Variants in ACOT1 observed in about 807,000 individuals in gnomAD.
ACOT1 encodes the protein acyl-CoA thioesterase 1.
In ACOT1, 8 loss-of-function variants were observed where a neutral mutation model predicts 15.7. The ratio of observed to expected loss-of-function variants is 0.51; its 90% CI spans 0.30 to 0.92. The LOEUF (loss-of-function observed/expected upper bound fraction) is 0.92, where lower values mean the gene tolerates loss of function less well. Among genes scored for constraint, ACOT1 ranks in the 40% least tolerant of loss-of-function variants. The pLI, the probability that ACOT1 is intolerant of heterozygous loss-of-function variation, is 0.06. For synonymous variants in ACOT1, 67 were observed against 241.2 expected (o/e 0.28, Z 6.69); for missense variants, 151 against 539.4 (o/e 0.28, Z 7.13).
At chr14:73,497,043 G>A in the ACOT1 span, among the ~76,000 whole-genome samples, 2 of 152,148 alleles carry the variant, frequency 1.3e-5, no homozygotes, top group Non-Finnish European at 2.9e-5. Context: ...CTACAGGCGC[G>A]TGCCATCATG....
upstream of ACOT1, among the ~76,000 whole-genome samples, chr14:73,534,379 GA>G (rs1243402800): frequency 4.7e-3 from 434 of 91,780 alleles, 57 homozygotes; most frequent in African/African-American, 0.013. Context: ...ACTCTGTCTT[GA>G]AAAAAAAAAA....
chr14:73,525,226 G>A, the ACOT1 span, among the ~76,000 whole-genome samples: 1 of 152,004 alleles, frequency 6.6e-6, no homozygotes, highest in Non-Finnish European at 1.5e-5. Flanking sequence ...TAGAGATGGG[G>A]TCTCACTATG....
At chr14:73,512,268 C>G in the ACOT1 span, 1 of 1,149,522 alleles carries the variant, frequency 8.7e-7, no homozygotes, top group Non-Finnish European at 1.2e-6. Context: ...AACATTAGCT[C>G]AGAAGAATAA....
At chr14:73,491,994 A>T in the ACOT1 span, 1 of 1,613,892 alleles carries the variant, frequency 6.2e-7, no homozygotes, top group East Asian at 2.2e-5. Context: ...GCAGGCTCCA[A>T]CGTTTACCTC....
the ACOT1 span, among the ~76,000 whole-genome samples, chr14:73,518,713 G>C: frequency 6.6e-6 from 1 of 152,104 alleles, no homozygotes; most frequent in East Asian, 1.9e-4. Flanking sequence ...TCCCTGTTAG[G>C]TGCACTTTCC....
the ACOT1 span, among the ~76,000 whole-genome samples, chr14:73,496,371 A>G: frequency 6.6e-6 from 1 of 152,028 alleles, no homozygotes; most frequent in Non-Finnish European, 1.5e-5. Context: ...GGGTTACTTG[A>G]TAGGACTAAT....
the ACOT1 span, chr14:73,498,343 A>G: frequency 4.4e-6 from 7 of 1,592,584 alleles, no homozygotes; most frequent in Non-Finnish European, 6.0e-6. Context: ...TCTGTCCCAA[A>G]GCTGCAGAGA....
chr14:73,523,039 C>T, the ACOT1 span: 2 of 1,614,154 alleles, frequency 1.2e-6, no homozygotes, highest in Non-Finnish European at 1.7e-6. Context: ...AGGCACACTC[C>T]TCCTTGCCTT....
chr14:73,500,724 C>T, the ACOT1 span: 3 of 1,613,344 alleles, frequency 1.9e-6, no homozygotes, highest in Non-Finnish European at 2.5e-6. Context: ...CTTGACCTAG[C>T]TTGACCCTGT....
the ACOT1 span, chr14:73,522,787 C>T: frequency 6.2e-7 from 1 of 1,614,170 alleles, no homozygotes; most frequent in Non-Finnish European, 8.5e-7. Flanking sequence ...TTGAGGAACC[C>T]AGGAACTTGA....
At chr14:73,492,804 A>G in the ACOT1 span, 1 of 1,613,920 alleles carries the variant, frequency 6.2e-7, no homozygotes, top group South Asian at 1.1e-5. The surrounding 1 kb of genome is among the most constrained non-coding windows in gnomAD (Gnocchi z 4.9). Flanking sequence ...GATGCCATGG[A>G]ACTGTTGCTT....
Position 73,537,985 on chromosome 14 carries a change from G to T in ACOT1, c.457+107G>T. On this transcript the variant is annotated intron_variant, in intron 1 of 2. Transcript: ENST00000311148. ...GCCCCGCCCCGCTCTTTTCGCTTGT[G>T]TGTGTGTCCCTCCTCCCGCCCCACC... 2 of 955,226 alleles carry T rather than the reference G, an allele frequency of 2.1e-6. 1 individual carries two copies. Among genetic ancestry groups the T allele is most frequent in the Non-Finnish European group, 2.7e-6 (2 of 741,076 alleles). The allele number at this position is 955,226 out of a possible 1,614,324, so 59.2% of individuals were successfully genotyped here.
chr14:73,511,884 C>T, the ACOT1 span: 9 of 1,194,258 alleles, frequency 7.5e-6, no homozygotes, highest in Non-Finnish European at 1.1e-5. Context: ...AGGCCAGTCT[C>T]TAAGTCTTGG....
At chr14:73,498,386 T>TA in the ACOT1 span, 3 of 1,500,966 alleles carry the variant, frequency 2.0e-6, no homozygotes, top group Non-Finnish European at 9.0e-7. Context: ...AGACTGAGCT[T>TA]ACTATATTCT....
At chr14:73,515,415 C>T in the ACOT1 span, among the ~76,000 whole-genome samples, 2 of 151,598 alleles carry the variant, frequency 1.3e-5, no homozygotes, top group Non-Finnish European at 2.9e-5. Flanking sequence ...TGCAGTGGCT[C>T]ATGCCTGTAA....
the ACOT1 span, chr14:73,491,911 CCT>C: frequency 4.3e-6 from 7 of 1,612,998 alleles, no homozygotes; most frequent in Non-Finnish European, 5.9e-6. Context: ...CCCTGCGTCT[CCT>C]CTGTCCGCAG....
At chr14:73,528,672 T>C in the ACOT1 span, among the ~76,000 whole-genome samples, 6,187 of 152,312 alleles carry the variant, frequency 0.041, 159 homozygotes, top group Middle Eastern at 0.088. Flanking sequence ...GTCTGATACC[T>C]GTTCTAATTT....
At chr14:73,503,809 C>T in the ACOT1 span, among the ~76,000 whole-genome samples, 5 of 152,110 alleles carry the variant, frequency 3.3e-5, no homozygotes, top group Non-Finnish European at 5.9e-5. Context: ...CCTAGTGCGT[C>T]GGATGTGGTC....
At chr14:73,502,978 A>G in the ACOT1 span, 1 of 1,614,024 alleles carries the variant, frequency 6.2e-7, no homozygotes, top group Non-Finnish European at 8.5e-7. Flanking sequence ...TATTCCAGTC[A>G]TTCCACATCA....
Sources: allele counts gnomAD v4.1 joint callset (sites outside exome capture counted in the v4.1 genomes callset), GRCh38; gene constraint gnomAD v4.1.1; non-coding constraint Gnocchi (gnomAD v3.1); transcripts MANE v1.5; gene names NCBI Gene and HGNC (gene_info 2026-07-23, HGNC 2026-07-21).